Variants in CLASP2 observed in about 807,000 individuals in gnomAD.
The protein encoded by CLASP2 is cytoplasmic linker associated protein 2.
CLASP2 carries 47 observed loss-of-function variants against 194.4 expected under a neutral mutation model. The observed-to-expected ratio is 0.24, with a 90% CI of 0.19 to 0.31. The LOEUF is 0.31. Ranked by LOEUF, CLASP2 falls within the 10% of genes least tolerant of loss-of-function variation. CLASP2 has a pLI of 1.00. For synonymous variants in CLASP2, 619 were observed against 633.5 expected, an observed-to-expected ratio of 0.98 and a Z score of 0.34; for missense variants, 1,445 against 1,823.6, an observed-to-expected ratio of 0.79 and a Z score of 3.78.
chr3:33,574,875 C>T (rs1244964630), intron 24 of CLASP2, among the ~76,000 whole-genome samples: 1 of 152,104 alleles, frequency 6.6e-6, no homozygotes, highest in East Asian at 1.9e-4. Context: ...AACTTCTGTG[C>T]TCTGCAAATA....
intron 8 of CLASP2, among the ~76,000 whole-genome samples, chr3:33,638,433 T>C (rs983156509): frequency 1.1e-4 from 17 of 152,130 alleles, no homozygotes; most frequent in African/African-American, 3.9e-4. Context: ...GCCTCCCGAA[T>C]AGCTGGGACT....
intron 7 of CLASP2, among the ~76,000 whole-genome samples, chr3:33,661,609 C>T (rs2085317236): frequency 1.3e-5 from 2 of 152,136 alleles, no homozygotes; most frequent in Non-Finnish European, 2.9e-5. Flanking sequence ...AGGAACAGAT[C>T]TGAGAGGCAA....
intron 37 of CLASP2, chr3:33,503,327 A>T (rs1410677336): frequency 6.6e-6 from 1 of 152,018 alleles, no homozygotes; most frequent in East Asian, 1.9e-4. Context: ...ATGAACATTC[A>T]TGTATAACTA....
At chr3:33,537,770 G>A (rs984957354) in intron 33 of CLASP2, among the ~76,000 whole-genome samples, 5 of 151,948 alleles carry the variant, frequency 3.3e-5, no homozygotes, top group East Asian at 1.9e-4. Flanking sequence ...AACTGTAGCC[G>A]CATAAACTGA....
At chr3:33,687,246 T>A (rs1325672240) in intron 4 of CLASP2, 111 bp from the exon 5 acceptor site, 1 of 629,292 alleles carries the variant, frequency 1.6e-6, no homozygotes. Flanking sequence ...GTGGACAGGA[T>A]GGGCACACAT....
At chr3:33,649,954 GTCT>G (rs1351979453) in intron 7 of CLASP2, among the ~76,000 whole-genome samples, 10 of 152,080 alleles carry the variant, frequency 6.6e-5, no homozygotes, top group African/African-American at 2.4e-4. Flanking sequence ...GGAAGAAGGT[GTCT>G]GGCCTCAAAT....
intron 10 of CLASP2, among the ~76,000 whole-genome samples, chr3:33,624,938 G>T (rs1461614342): frequency 6.6e-6 from 1 of 151,980 alleles, no homozygotes; most frequent in Non-Finnish European, 1.5e-5. Context: ...AAAGAAAACA[G>T]ATGCTCTCAA....
chr3:33,531,762 C>CT (rs745782031), intron 34 of CLASP2, among the ~76,000 whole-genome samples: 19 of 152,066 alleles, frequency 1.2e-4, no homozygotes, highest in Non-Finnish European at 2.4e-4. Context: ...ACGACAAGAG[C>CT]GAAACTCTGT....
chr3:33,590,509 T>C (rs1450629923), intron 21 of CLASP2, among the ~76,000 whole-genome samples: 2 of 152,144 alleles, frequency 1.3e-5, no homozygotes, highest in African/African-American at 4.8e-5. Flanking sequence ...CTAACTACTA[T>C]GATATACTGC....
At chr3:33,682,626 A>G (rs1445067411) in intron 6 of CLASP2, among the ~76,000 whole-genome samples, 1 of 152,224 alleles carries the variant, frequency 6.6e-6, no homozygotes, top group African/African-American at 2.4e-5. Flanking sequence ...ACTGAGAAGC[A>G]GTAAAGAAAA....
At chr3:33,524,408 C>T (rs2053948033) in intron 34 of CLASP2, among the ~76,000 whole-genome samples, 1 of 152,018 alleles carries the variant, frequency 6.6e-6, no homozygotes, top group Non-Finnish European at 1.5e-5. Flanking sequence ...TTTGTGAGGC[C>T]AAAGGAGGCA....
intron 1 of CLASP2, among the ~76,000 whole-genome samples, chr3:33,707,781 C>T (rs1238878900): frequency 1.3e-5 from 2 of 151,662 alleles, no homozygotes; most frequent in African/African-American, 2.4e-5. Context: ...CGAATGAAAC[C>T]GGCAAGATCC....
intron 1 of CLASP2, among the ~76,000 whole-genome samples, chr3:33,707,943 C>G (rs950617930): frequency 1.3e-5 from 2 of 152,124 alleles, no homozygotes; most frequent in Non-Finnish European, 2.9e-5. Context: ...CCCAGAACCT[C>G]TGAATATGGT....
At chr3:33,616,506 A>C (rs7642232) in intron 12 of CLASP2, among the ~76,000 whole-genome samples, 19,868 of 152,098 alleles carry the variant, frequency 0.13, 1,745 homozygotes, top group Non-Finnish European at 0.19. Flanking sequence ...ATAATGAATA[A>C]ATGAAAAAAC....
chr3:33,636,692 C>T (rs1216377384), intron 8 of CLASP2, among the ~76,000 whole-genome samples: 1 of 152,176 alleles, frequency 6.6e-6, no homozygotes, highest in African/African-American at 2.4e-5. Context: ...CCTCCACCTC[C>T]TGGGTTCAAG....
At chr3:33,595,928 G>C (rs1170459216) in intron 19 of CLASP2, among the ~76,000 whole-genome samples, 1 of 151,882 alleles carries the variant, frequency 6.6e-6, no homozygotes, top group Non-Finnish European at 1.5e-5. Context: ...TAAAACAGAA[G>C]ATATATTAGA....
At chr3:33,587,562 A>C (rs2067693771) in intron 21 of CLASP2, among the ~76,000 whole-genome samples, 1 of 152,246 alleles carries the variant, frequency 6.6e-6, no homozygotes, top group Admixed American at 6.5e-5. Flanking sequence ...AAAACAAAGC[A>C]GTGTTTCCAA....
intron 29 of CLASP2, chr3:33,554,900 CTAGAAGT>C (rs1429901096): frequency 6.6e-6 from 1 of 152,334 alleles, no homozygotes; most frequent in Admixed American, 6.5e-5. Context: ...GTTGAATGAC[CTAGAAGT>C]TTGTAACTGA....
intron 6 of CLASP2, among the ~76,000 whole-genome samples, chr3:33,671,680 T>A (rs909417113): frequency 4.6e-5 from 7 of 152,188 alleles, no homozygotes; most frequent in Non-Finnish European, 8.8e-5. Context: ...GGGAGTTCCC[T>A]TTCCTAGTCA....
Sources: gnomAD v4.1 joint callset for allele counts (sites outside exome capture counted in the v4.1 genomes callset) on GRCh38, gnomAD v4.1.1 for gene constraint, MANE v1.5 for transcripts, NCBI Gene and HGNC (gene_info 2026-07-23, HGNC 2026-07-21) for gene names.